Variants in KCNAB1 observed in about 807,000 individuals in gnomAD.
The protein encoded by KCNAB1 is voltage-gated potassium channel subunit beta-1.
In KCNAB1, 35 loss-of-function variants were observed where a neutral mutation model predicts 64.6. The observed-to-expected ratio is 0.54, with a 90% CI of 0.41 to 0.72. KCNAB1 has a LOEUF of 0.72. Among genes scored for constraint, KCNAB1 ranks in the 30% least tolerant of loss-of-function variants. The probability of loss-of-function intolerance (pLI) is 0.00; values close to 1 mark genes in which losing one functional copy is unlikely to be tolerated. For missense variants in KCNAB1, 401 were observed against 512.9 expected (o/e 0.78, Z 2.11); for synonymous variants, 177 against 183.8 (o/e 0.96, Z 0.30).
intron 1 of KCNAB1, among the ~76,000 whole-genome samples, chr3:156,144,885 A>C (rs985800253): frequency 6.6e-6 from 1 of 152,216 alleles, no homozygotes; most frequent in Non-Finnish European, 1.5e-5. Flanking sequence ...GCTGTGTGCC[A>C]ATGTTCAGAT....
At chr3:156,171,115 T>C (rs1711951290) in intron 1 of KCNAB1, among the ~76,000 whole-genome samples, 1 of 151,918 alleles carries the variant, frequency 6.6e-6, no homozygotes, top group Non-Finnish European at 1.5e-5. Context: ...TAAGAATTTA[T>C]AGTTGATTAA....
At chr3:156,459,571 G>C (rs939004820) in intron 4 of KCNAB1, among the ~76,000 whole-genome samples, 1 of 152,064 alleles carries the variant, frequency 6.6e-6, no homozygotes, top group Non-Finnish European at 1.5e-5. Flanking sequence ...AATGACTGCT[G>C]CTGCTTAGTA....
At chr3:156,298,418 C>T (rs541402177) in intron 1 of KCNAB1, among the ~76,000 whole-genome samples, 1 of 152,286 alleles carries the variant, frequency 6.6e-6, no homozygotes, top group South Asian at 2.1e-4. Flanking sequence ...CACTCAATGA[C>T]CCTCTTTAGA....
At chr3:156,235,978 G>A (rs1449956940) in intron 1 of KCNAB1, among the ~76,000 whole-genome samples, 1 of 152,124 alleles carries the variant, frequency 6.6e-6, no homozygotes, top group East Asian at 1.9e-4. Context: ...CAAACCTGGT[G>A]GTTCCTAAAC....
intron 1 of KCNAB1, among the ~76,000 whole-genome samples, chr3:156,333,325 CACACACACACACACACAT>C (rs931882377): frequency 1.0e-4 from 15 of 146,396 alleles, no homozygotes; most frequent in African/African-American, 2.8e-4. Flanking sequence ...TAGAAACACA[CACACACACACACACACAT>C]ACACACACAC....
In KCNAB1 at chr3:156,407,103, G is replaced by A. The variant is rs757462519; in HGVS notation, c.276-14513G>A. Among the ~76,000 whole-genome samples, 22 of 152,262 alleles carry A rather than the reference G, an allele frequency of 1.4e-4. No homozygotes were observed. In the East Asian group the frequency reaches 1.5e-3, roughly 11 times the overall value. On this transcript the variant is annotated intron_variant, in intron 1 of 13. Transcript: ENST00000490337. ...TTGGATCTTTTCTGTCTACTCTGTC[G>A]TGATTGAGAGGGGTTAAGCTGGTTG...
intron 1 of KCNAB1, among the ~76,000 whole-genome samples, chr3:156,172,071 AG>A (rs1272503408): frequency 6.6e-6 from 1 of 152,210 alleles, no homozygotes; most frequent in Non-Finnish European, 1.5e-5. Context: ...AAAAATCTCT[AG>A]GAACAAGGTG....
At chr3:156,266,384 A>G (rs1718712872) in intron 1 of KCNAB1, among the ~76,000 whole-genome samples, 1 of 152,230 alleles carries the variant, frequency 6.6e-6, no homozygotes, top group African/African-American at 2.4e-5. Context: ...TTCTACATAG[A>G]CTATTCCCAT....
At chr3:156,531,365 T>C (rs1718690599) in intron 12 of KCNAB1, 44 bp from the exon 13 acceptor site, 3 of 1,389,574 alleles carry the variant, frequency 2.2e-6, no homozygotes, top group African/African-American at 2.8e-5. Flanking sequence ...TAATCAACGA[T>C]TGGAAGTGCT....
chr3:156,406,699 T>A (rs1008944280), intron 1 of KCNAB1, among the ~76,000 whole-genome samples: 4 of 152,164 alleles, frequency 2.6e-5, no homozygotes, highest in African/African-American at 9.7e-5. Flanking sequence ...ACTCTGACTT[T>A]CCTCAGAGCA....
chr3:156,231,116 C>T (rs964956227), intron 1 of KCNAB1, among the ~76,000 whole-genome samples: 5 of 152,200 alleles, frequency 3.3e-5, no homozygotes, highest in South Asian at 2.1e-4. Flanking sequence ...AGTTTGATTA[C>T]AGCAATATTC....
intron 1 of KCNAB1, among the ~76,000 whole-genome samples, chr3:156,191,677 A>T (rs1713573143): frequency 6.6e-6 from 1 of 152,216 alleles, no homozygotes; most frequent in South Asian, 2.1e-4. Flanking sequence ...TTTTTAAAAA[A>T]TACTTTCAAA....
At chr3:156,145,421 A>G (rs1272138238) in intron 1 of KCNAB1, among the ~76,000 whole-genome samples, 3 of 152,076 alleles carry the variant, frequency 2.0e-5, no homozygotes, top group Admixed American at 6.6e-5. Flanking sequence ...TCCTGCAACC[A>G]TTTGGAAAGG....
At chr3:156,384,366 C>T (rs1306930689) in intron 1 of KCNAB1, among the ~76,000 whole-genome samples, 1 of 152,078 alleles carries the variant, frequency 6.6e-6, no homozygotes, top group African/African-American at 2.4e-5. Flanking sequence ...GCCTAGTAGC[C>T]CGATAGTAAA....
At chr3:156,188,456 G>C (rs2108357444) in intron 1 of KCNAB1, among the ~76,000 whole-genome samples, 1 of 152,150 alleles carries the variant, frequency 6.6e-6, no homozygotes, top group South Asian at 2.1e-4. Context: ...TCAAAGGCTT[G>C]ACATTTAATT....
intron 1 of KCNAB1, among the ~76,000 whole-genome samples, chr3:156,232,654 G>T (rs1049085759): frequency 1.3e-5 from 2 of 152,218 alleles, no homozygotes; most frequent in African/African-American, 4.8e-5. Context: ...GAAATGCAAA[G>T]GTGGTTTTTC....
At chr3:156,203,089 C>T (rs1049064412) in intron 1 of KCNAB1, among the ~76,000 whole-genome samples, 1 of 152,186 alleles carries the variant, frequency 6.6e-6, no homozygotes, top group African/African-American at 2.4e-5. Context: ...TTTGTATGCA[C>T]AGTTGGTAAA....
At chr3:156,358,995 G>T (rs2108102403) in intron 1 of KCNAB1, among the ~76,000 whole-genome samples, 1 of 152,120 alleles carries the variant, frequency 6.6e-6, no homozygotes, top group East Asian at 1.9e-4. Flanking sequence ...GTGCACAAGG[G>T]ACTGAATGTC....
intron 8 of KCNAB1, among the ~76,000 whole-genome samples, chr3:156,490,589 T>C (rs1319482215): frequency 6.6e-6 from 1 of 152,110 alleles, no homozygotes; most frequent in African/African-American, 2.4e-5. Flanking sequence ...TAAAATACAA[T>C]GGCTAATTTT....
Sources: gnomAD v4.1 joint callset for allele counts (sites outside exome capture counted in the v4.1 genomes callset) on GRCh38, gnomAD v4.1.1 for gene constraint, MANE v1.5 for transcripts, NCBI Gene and HGNC (gene_info 2026-07-23, HGNC 2026-07-21) for gene names.